The following NTN1 variants were observed in gnomAD, a reference collection of about 807,000 sequenced individuals.
NTN1 encodes netrin-1.
Under a neutral mutation model 54.2 loss-of-function variants are expected in NTN1, and 11 were observed. The ratio of observed to expected loss-of-function variants is 0.20; its 90% CI spans 0.13 to 0.34. The LOEUF (loss-of-function observed/expected upper bound fraction) is 0.34, where lower values mean the gene tolerates loss of function less well. Among genes scored for constraint, NTN1 ranks in the 10% least tolerant of loss-of-function variants. The pLI is 1.00. For missense variants in NTN1, 740 were observed against 893.1 expected (o/e 0.83, Z 2.18); for synonymous variants, 371 against 382.0 (o/e 0.97, Z 0.33).
At chr17:9,226,956 CG>C (rs1234205888) in intron 6 of NTN1, among the ~76,000 whole-genome samples, 1 of 152,082 alleles carries the variant, frequency 6.6e-6, no homozygotes, top group East Asian at 1.9e-4. Flanking sequence ...CCCCGCCCCC[CG>C]AGGCCCCGCC....
intron 2 of NTN1, among the ~76,000 whole-genome samples, chr17:9,138,512 C>T (rs1396972129): frequency 2.0e-5 from 3 of 152,174 alleles, no homozygotes; most frequent in Admixed American, 6.5e-5. Flanking sequence ...CCCCACTCTC[C>T]GCACACTGTC....
chr17:9,148,713 C>T (rs1056268339), intron 2 of NTN1, among the ~76,000 whole-genome samples: 4 of 151,836 alleles, frequency 2.6e-5, no homozygotes, highest in African/African-American at 7.3e-5. Flanking sequence ...GTTGGGCACA[C>T]GGGGGTCCAG....
chr17:9,016,811 C>T (rs1476977104), upstream of NTN1, among the ~76,000 whole-genome samples: 2 of 152,196 alleles, frequency 1.3e-5, no homozygotes, highest in Non-Finnish European at 2.9e-5. Context: ...CTGTCTCTTT[C>T]TCTAGGTCTA....
intron 6 of NTN1, among the ~76,000 whole-genome samples, chr17:9,229,398 C>T (rs1326235943): frequency 9.8e-6 from 1 of 101,806 alleles, no homozygotes; most frequent in Admixed American, 1.1e-4. Context: ...CCACACACAC[C>T]TTGTGAGGGA....
At chr17:9,024,090 A>G (rs185257552) in intron 2 of NTN1, among the ~76,000 whole-genome samples, 52 of 152,342 alleles carry the variant, frequency 3.4e-4, no homozygotes, top group Admixed American at 9.1e-4. Flanking sequence ...TTTTTTTATT[A>G]GCTTCAGGCT....
At chr17:9,004,367 C>G in the NTN1 span, among the ~76,000 whole-genome samples, 92 of 152,388 alleles carry the variant, frequency 6.0e-4, 1 homozygote, top group African/African-American at 2.2e-3. Flanking sequence ...CCCCGTCGCC[C>G]TCGCGGCCTG....
chr17:9,118,531 A>G (rs556798499), intron 2 of NTN1, among the ~76,000 whole-genome samples: 5 of 152,190 alleles, frequency 3.3e-5, no homozygotes, highest in Non-Finnish European at 5.9e-5. Context: ...AAACAGAAAC[A>G]AAAACCGGTT....
chr17:9,185,822 G>T (rs2092431645), intron 5 of NTN1, among the ~76,000 whole-genome samples: 1 of 152,210 alleles, frequency 6.6e-6, no homozygotes. Context: ...TTGGTTTTGT[G>T]GTGGCCATTT....
chr17:9,021,761 T>C (rs1420665263), intron 1 of NTN1, among the ~76,000 whole-genome samples, 176 bp downstream of exon 1: 1 of 151,360 alleles, frequency 6.6e-6, no homozygotes, highest in Non-Finnish European at 1.5e-5. Flanking sequence ...AAGCCCGCGC[T>C]GAGGCGGGAC....
In NTN1 at chr17:9,211,588, G is replaced by A. The variant is rs1905108235; in HGVS notation, c.1412-9580G>A. Among the ~76,000 whole-genome samples the A allele has an allele frequency of 6.6e-6, 1 of 152,208 alleles. No homozygotes were observed. Among genetic ancestry groups the A allele is most frequent in the African/African-American group, 2.4e-5 (1 of 41,444 alleles). ...ATGGATGATAAATTCCTAGAAGTGC[G>A]GTTGCTGCGTTGGAGTATGCATGTG... On this transcript the variant is annotated intron_variant, in intron 5 of 6. Coordinates refer to ENST00000173229, the MANE Select transcript of NTN1 (RefSeq NM_004822.3). This position sits in a 1 kb window ranked among gnomAD's most constrained non-coding sequence, Gnocchi z 4.4.
chr17:9,137,200 T>G (rs1050226970), intron 2 of NTN1, among the ~76,000 whole-genome samples: 1 of 152,166 alleles, frequency 6.6e-6, no homozygotes, highest in African/African-American at 2.4e-5. Context: ...TGCCTGGAAT[T>G]TGAGTTTTGT....
rs114541247 is a variant in NTN1, at chr17:9,220,466, T to C, written c.1412-702T>C. Among the ~76,000 whole-genome samples, 680 of 152,124 alleles carry C rather than the reference T, an allele frequency of 4.5e-3. 2 individuals carry two copies. The highest frequency in any genetic ancestry group is 0.015 in the African/African-American group (639 of 41,488). On this transcript the variant is annotated intron_variant, in intron 5 of 6. Coordinates refer to ENST00000173229, the MANE Select transcript of NTN1 (RefSeq NM_004822.3). ...GGTTGGGCTGAAGTGGGAAGCTGCA[T>C]TTGGGGGTTGACACAGGCCCAAGGG...
chr17:9,007,836 A>G, the NTN1 span, among the ~76,000 whole-genome samples: 408 of 152,096 alleles, frequency 2.7e-3, 6 homozygotes, highest in Admixed American at 0.022. Flanking sequence ...GGCTCAAGCT[A>G]TCCTCCCACC....
chr17:9,170,607 G>A (rs2092384779), intron 3 of NTN1, among the ~76,000 whole-genome samples: 1 of 152,192 alleles, frequency 6.6e-6, no homozygotes, highest in African/African-American at 2.4e-5. Context: ...GAAGGGCAGA[G>A]ATGTGCCCAG....
intron 2 of NTN1, among the ~76,000 whole-genome samples, chr17:9,033,930 A>AG (rs1555562792): frequency 3.3e-5 from 5 of 151,686 alleles, no homozygotes; most frequent in Non-Finnish European, 4.4e-5. Flanking sequence ...AAAAAAAAAA[A>AG]AAAAGAAAAA....
intron 2 of NTN1, among the ~76,000 whole-genome samples, chr17:9,075,621 G>A (rs908692147): frequency 2.0e-5 from 3 of 152,364 alleles, no homozygotes; most frequent in African/African-American, 4.8e-5. Context: ...GGGACGGCCT[G>A]TCAGCCTCTC....
intron 5 of NTN1, among the ~76,000 whole-genome samples, chr17:9,184,680 C>T (rs2092428138): frequency 6.6e-6 from 1 of 152,210 alleles, no homozygotes; most frequent in African/African-American, 2.4e-5. Flanking sequence ...TCACTCCCCC[C>T]ATTTCTCTAG....
At chr17:9,172,267 G>A (rs2092389043) in intron 3 of NTN1, among the ~76,000 whole-genome samples, 3 of 152,058 alleles carry the variant, frequency 2.0e-5, no homozygotes, top group Admixed American at 2.0e-4. Context: ...GGAGGCCGAG[G>A]AGGGCAGATC....
chr17:9,022,622 C>G lies in NTN1; in HGVS notation c.249C>G (p.Arg83=). The G allele has an allele frequency of 6.4e-7, 1 of 1,552,422 alleles. No individual in the cohort carries two copies. The highest frequency in any genetic ancestry group is 8.7e-7 in the Non-Finnish European group (1 of 1,149,248). ...CGCGCTACTGCGTGGTGAGCGAGCG[C>G]GGCGAGGAGCGGCTGCGCTCGTGCC... ...PPARYCVVSE[R]GEERLRSCHL... Residue 83 remains arginine (R), a synonymous_variant, in exon 2 of 7, where the codon CGC becomes CGG. Coordinates refer to ENST00000173229, the MANE Select transcript of NTN1 (RefSeq NM_004822.3).
Sources: gnomAD v4.1 joint callset for allele counts (sites outside exome capture counted in the v4.1 genomes callset) on GRCh38, gnomAD v4.1.1 for gene constraint, Gnocchi (gnomAD v3.1) non-coding constraint, MANE v1.5 for transcripts, NCBI Gene and HGNC (gene_info 2026-07-23, HGNC 2026-07-21) for gene names.